The following ATAD2B variants were observed in gnomAD, a reference collection of about 807,000 sequenced individuals.
ATAD2B encodes ATPase family AAA domain containing 2B, also known as ATPase family AAA domain-containing protein 2B.
In ATAD2B, 40 loss-of-function variants were observed where a neutral mutation model predicts 167.6. The ratio of observed to expected loss-of-function variants is 0.24; its 90% CI spans 0.19 to 0.31. The LOEUF (loss-of-function observed/expected upper bound fraction) is 0.31, where lower values mean the gene tolerates loss of function less well. Among genes scored for constraint, ATAD2B ranks in the 10% least tolerant of loss-of-function variants. The pLI, the probability that ATAD2B is intolerant of heterozygous loss-of-function variation, is 1.00. For missense variants in ATAD2B, 1,242 were observed against 1,757.2 expected (o/e 0.71, Z 5.24); for synonymous variants, 579 against 596.5 (o/e 0.97, Z 0.43).
chr2:23,779,642 C>T (rs1045755679), intron 22 of ATAD2B, among the ~76,000 whole-genome samples: 5 of 151,814 alleles, frequency 3.3e-5, no homozygotes, highest in Admixed American at 6.6e-5. Context: ...TATTTATCAG[C>T]GTTTATAAAA....
the ATAD2B span, chr2:23,706,634 C>T: frequency 1.9e-5 from 29 of 1,533,006 alleles, no homozygotes; most frequent in South Asian, 1.3e-4. Flanking sequence ...ACGGCTGCGT[C>T]GTGATAAAGA....
At chr2:23,923,912 G>A (rs1704318104) in intron 1 of ATAD2B, among the ~76,000 whole-genome samples, 1 of 152,228 alleles carries the variant, frequency 6.6e-6, no homozygotes, top group South Asian at 2.1e-4. Flanking sequence ...GCTGGGCGCG[G>A]TGGCTCACGC....
chr2:23,743,921 T>C (rs1270021980), downstream of ATAD2B, among the ~76,000 whole-genome samples: 1 of 152,068 alleles, frequency 6.6e-6, no homozygotes, highest in Non-Finnish European at 1.5e-5. Flanking sequence ...GGGTTCAAAC[T>C]CATGATTATA....
At chr2:23,775,121 G>A (rs532537833) in intron 22 of ATAD2B, among the ~76,000 whole-genome samples, 1 of 152,062 alleles carries the variant, frequency 6.6e-6, no homozygotes, top group East Asian at 1.9e-4. Context: ...GAGATGAAGG[G>A]GTACTTACAA....
At chr2:23,824,115 A>C (rs1361113693) in intron 15 of ATAD2B, among the ~76,000 whole-genome samples, 1 of 151,824 alleles carries the variant, frequency 6.6e-6, no homozygotes, top group Non-Finnish European at 1.5e-5. Context: ...CACTCGTATA[A>C]TTTTTTTCTT....
intron 17 of ATAD2B, among the ~76,000 whole-genome samples, chr2:23,812,661 G>T (rs1028713006): frequency 6.6e-6 from 1 of 152,060 alleles, no homozygotes; most frequent in African/African-American, 2.4e-5. Context: ...AGGAGATGAA[G>T]GCCATCCTGG....
At chr2:23,883,909 C>T (rs1199776130) in intron 6 of ATAD2B, among the ~76,000 whole-genome samples, 2 of 152,022 alleles carry the variant, frequency 1.3e-5, no homozygotes, top group Non-Finnish European at 2.9e-5. Flanking sequence ...TTTGGGAGGC[C>T]GAAGCGGGTG....
the ATAD2B span, among the ~76,000 whole-genome samples, chr2:23,680,499 A>G: frequency 6.6e-6 from 1 of 152,176 alleles, no homozygotes; most frequent in Non-Finnish European, 1.5e-5. The surrounding 1 kb of genome is among the most constrained non-coding windows in gnomAD (Gnocchi z 4.1). Flanking sequence ...ACCCAAAAAC[A>G]ACCTCTGGGG....
At chr2:23,686,923 G>A in the ATAD2B span, among the ~76,000 whole-genome samples, 2 of 152,178 alleles carry the variant, frequency 1.3e-5, no homozygotes, top group Non-Finnish European at 2.9e-5. Flanking sequence ...TGACCAAGAA[G>A]TGCCTTCTTG....
chr2:23,724,003 G>A, the ATAD2B span, among the ~76,000 whole-genome samples: 1 of 152,214 alleles, frequency 6.6e-6, no homozygotes, highest in Non-Finnish European at 1.5e-5. Flanking sequence ...ATTATGTTAA[G>A]TGAAGTAAGC....
chr2:23,910,101 T>C (rs930903153), intron 1 of ATAD2B, among the ~76,000 whole-genome samples: 1 of 151,740 alleles, frequency 6.6e-6, no homozygotes, highest in African/African-American at 2.4e-5. Flanking sequence ...TGGCCTCAAG[T>C]GATCCTCCAA....
In ATAD2B at chr2:23,754,710, T is replaced by G; in HGVS notation, c.4143A>C (p.Glu1381Asp). 1.2e-6 allele frequency: 2 copies of G among 1,613,110 alleles called. No homozygotes were observed. The highest frequency in any genetic ancestry group is 1.7e-6 in the Non-Finnish European group (2 of 1,179,312). Reference sequence around the variant, plus strand: ...GCTCAGATGGCTCTTCTGGAACCAGTTCCAGGCTTGTCGTTTTTGCCTGCT... The same window carrying G: ...GCTCAGATGGCTCTTCTGGAACCAGGTCCAGGCTTGTCGTTTTTGCCTGCT... ...ILEQAKTTSL[E>D]LVPEEPSEPV... Residue 1381 changes from glutamate (E) to aspartate (D), a missense_variant, in exon 26 of 28, where the codon GAA becomes GAC. Around this residue, in one of 9 missense-constraint regions of ATAD2B, gnomAD observed 282 missense variants for 346.8 expected, o/e 0.81. Transcript: ENST00000238789.
chr2:23,784,852 T>C (rs1680582242), intron 21 of ATAD2B, among the ~76,000 whole-genome samples: 1 of 152,024 alleles, frequency 6.6e-6, no homozygotes. Flanking sequence ...GTTATCCCAG[T>C]GGAAAGATAT....
At chr2:23,805,109 C>T (rs1389897282) in intron 18 of ATAD2B, among the ~76,000 whole-genome samples, 1 of 150,798 alleles carries the variant, frequency 6.6e-6, no homozygotes. Context: ...CGCTATTGTA[C>T]TCCAGCCTGG....
the ATAD2B span, among the ~76,000 whole-genome samples, chr2:23,715,041 C>G: frequency 6.6e-6 from 1 of 152,056 alleles, no homozygotes; most frequent in South Asian, 2.1e-4. Flanking sequence ...ATCCAATAAA[C>G]ACACCTACAA....
chr2:23,706,889 A>G, the ATAD2B span: 1 of 466,162 alleles, frequency 2.1e-6, no homozygotes, highest in Non-Finnish European at 3.7e-6. Flanking sequence ...CGATCCCGCC[A>G]TGGGGCTGGC....
At chr2:23,868,604 T>C (rs1402248852) in intron 9 of ATAD2B, among the ~76,000 whole-genome samples, 1 of 152,188 alleles carries the variant, frequency 6.6e-6, no homozygotes, top group Non-Finnish European at 1.5e-5. Flanking sequence ...TATCCTCAAC[T>C]ATTACACGAA....
intron 14 of ATAD2B, among the ~76,000 whole-genome samples, chr2:23,830,419 T>G (rs76146814): frequency 1.1e-3 from 161 of 152,312 alleles, no homozygotes; most frequent in African/African-American, 3.7e-3. Context: ...TTTTTAAAAA[T>G]TGAGTATGCT....
chr2:23,826,428 C>A (rs149691043), intron 15 of ATAD2B, among the ~76,000 whole-genome samples: 1 of 152,030 alleles, frequency 6.6e-6, no homozygotes, highest in Non-Finnish European at 1.5e-5. Flanking sequence ...GCCTTTTAGG[C>A]GTTAAAAGTT....
Sources: allele counts gnomAD v4.1 joint callset (sites outside exome capture counted in the v4.1 genomes callset), GRCh38; gene constraint gnomAD v4.1.1; regional missense constraint gnomAD v4.1.1; non-coding constraint Gnocchi (gnomAD v3.1); transcripts MANE v1.5; gene names NCBI Gene and HGNC (gene_info 2026-07-23, HGNC 2026-07-21).